Variants in PRKCZ observed in about 807,000 individuals in gnomAD.
The protein encoded by PRKCZ is protein kinase C zeta.
Under a neutral mutation model 79.5 loss-of-function variants are expected in PRKCZ, and 33 were observed. That is an observed-to-expected ratio of 0.41 (90% confidence interval 0.31 to 0.55). The LOEUF (loss-of-function observed/expected upper bound fraction) is 0.55. Among genes scored for constraint, PRKCZ ranks in the 20% least tolerant of loss-of-function variants. The pLI is 0.19. For missense variants in PRKCZ, 578 were observed against 813.5 expected (o/e 0.71, Z 3.52); for synonymous variants, 342 against 320.9 (o/e 1.07, Z -0.70).
intron 4 of PRKCZ, among the ~76,000 whole-genome samples, chr1:2,088,946 G>A (rs114907913): frequency 1.3e-5 from 2 of 152,316 alleles, no homozygotes; most frequent in Non-Finnish European, 2.9e-5. Context: ...GTTTTATTTT[G>A]TTTTGTTTTC....
At chr1:2,116,919 A>G (rs757390677) in intron 4 of PRKCZ, among the ~76,000 whole-genome samples, 2 of 152,076 alleles carry the variant, frequency 1.3e-5, no homozygotes, top group Non-Finnish European at 2.9e-5. Flanking sequence ...ATCCGTGAAC[A>G]TATCTTTAGG....
chr1:2,176,013 G>C (rs534544795), intron 16 of PRKCZ, among the ~76,000 whole-genome samples: 1 of 152,206 alleles, frequency 6.6e-6, no homozygotes, highest in Admixed American at 6.5e-5. Context: ...CAGTCGCAGC[G>C]TTCACGGCTT....
chr1:2,062,281 T>G (rs1660747076), intron 4 of PRKCZ, among the ~76,000 whole-genome samples: 2 of 152,046 alleles, frequency 1.3e-5, no homozygotes, highest in Non-Finnish European at 2.9e-5. Flanking sequence ...CAGCCCCACC[T>G]CCGCTCAGCC....
At chr1:2,181,947 CCCCT>C (rs1179891402) in intron 16 of PRKCZ, 1 of 438,218 alleles carries the variant, frequency 2.3e-6, no homozygotes, top group Non-Finnish European at 4.6e-6. Context: ...ACAGCCCCGG[CCCCT>C]CCCTCCGGCT....
At chr1:2,181,895 C>T in intron 16 of PRKCZ, 1 of 456,488 alleles carries the variant, frequency 2.2e-6, no homozygotes, top group Admixed American at 2.3e-5. Flanking sequence ...CCCCACAATC[C>T]TGCTGTGCGC....
chr1:2,054,750 C>T (rs1159476094), intron 1 of PRKCZ, among the ~76,000 whole-genome samples: 5 of 152,048 alleles, frequency 3.3e-5, no homozygotes, highest in Non-Finnish European at 7.4e-5. Flanking sequence ...GTGAAGCCGG[C>T]GGCCTGCACC....
intron 4 of PRKCZ, chr1:2,133,736 C>T (rs912063033): frequency 2.6e-5 from 4 of 152,666 alleles, no homozygotes; most frequent in Middle Eastern, 3.2e-3. Context: ...CCTCCGTCTC[C>T]GCCGCTTCAC....
At chr1:2,091,398 T>G (rs1416550703) in intron 4 of PRKCZ, among the ~76,000 whole-genome samples, 1 of 152,246 alleles carries the variant, frequency 6.6e-6, no homozygotes, top group Non-Finnish European at 1.5e-5. Context: ...TAACCATTTC[T>G]AAGTGTGTAG....
At chr1:2,152,259 G>A (rs1319875223) in intron 9 of PRKCZ, among the ~76,000 whole-genome samples, 3 of 152,142 alleles carry the variant, frequency 2.0e-5, no homozygotes, top group South Asian at 2.1e-4. Flanking sequence ...AGGGCCGGGC[G>A]CGGTGGCTCA....
chr1:2,052,071 G>C (rs1659719889), intron 1 of PRKCZ, among the ~76,000 whole-genome samples: 1 of 152,180 alleles, frequency 6.6e-6, no homozygotes, highest in African/African-American at 2.4e-5. Flanking sequence ...GACTTGTCCA[G>C]GGACCTGGGC....
intron 5 of PRKCZ, among the ~76,000 whole-genome samples, chr1:2,137,189 G>T (rs1676385118): frequency 6.6e-6 from 1 of 152,120 alleles, no homozygotes; most frequent in Admixed American, 6.5e-5. Flanking sequence ...GATGTCCCAG[G>T]GTAGGACGAG....
intron 4 of PRKCZ, chr1:2,134,012 G>A (rs1675625348): frequency 6.6e-6 from 1 of 152,322 alleles, no homozygotes; most frequent in African/African-American, 2.4e-5. Context: ...TGGGTGGAGT[G>A]TGGAGGGGGC....
chr1:2,102,881 G>A lies in PRKCZ; in HGVS notation c.335-32381G>A, dbSNP rs112535133. 9.0e-3 allele frequency among the ~76,000 whole-genome samples: 1,367 copies of A among 151,652 alleles called. 22 individuals are homozygous for A. The highest frequency in any genetic ancestry group is 0.029 in the African/African-American group (1,212 of 41,306). On this transcript the variant is annotated intron_variant, in intron 4 of 17. Coordinates refer to ENST00000378567, the MANE Select transcript of PRKCZ (RefSeq NM_002744.6). ...TTTTTATATTCTGGCCCCTCCCCCC[G>A]TCTGTCTCTCTCTCAAGAGACAGGG...
At position 2,173,856 on chromosome 1, in the gene PRKCZ, C is replaced by T. The variant is rs755245540; in HGVS notation, c.1286-41C>T. 6.5e-7 allele frequency: 1 copy of T among 1,541,526 alleles called. No individual in the cohort carries two copies. The highest frequency in any genetic ancestry group is 8.8e-7 in the Non-Finnish European group (1 of 1,139,844). ...AGCCAGGTTCGTCCTGCTGCCGGCC[C>T]ATGTGGCCCCACTCGGTGATGGCTG... On this transcript the variant is annotated intron_variant, in intron 13 of 17. Coordinates refer to ENST00000378567, the MANE Select transcript of PRKCZ (RefSeq NM_002744.6). The surrounding 1 kb of genome is among the most constrained non-coding windows in gnomAD (Gnocchi z 5.7).
intron 5 of PRKCZ, chr1:2,143,336 C>T (rs1179863852): frequency 6.6e-6 from 1 of 152,236 alleles, no homozygotes; most frequent in African/African-American, 2.4e-5. Context: ...GCCTATATTT[C>T]CTCGTCTTAA....
At chr1:2,155,781 CAG>C (rs1680914195) in intron 9 of PRKCZ, among the ~76,000 whole-genome samples, 1 of 150,394 alleles carries the variant, frequency 6.6e-6, no homozygotes, top group African/African-American at 2.5e-5. Context: ...GTGATGATGA[CAG>C]TGACAATGAT....
chr1:2,135,160 C>T (rs1010741389), intron 4 of PRKCZ, 102 bp from the exon 5 acceptor site: 20 of 992,112 alleles, frequency 2.0e-5, no homozygotes, highest in African/African-American at 1.3e-4. Context: ...GAGGACGCTG[C>T]GGCCGCCACC....
intron 4 of PRKCZ, among the ~76,000 whole-genome samples, chr1:2,088,106 G>A (rs1321225592): frequency 6.6e-6 from 1 of 152,196 alleles, no homozygotes; most frequent in East Asian, 1.9e-4. Context: ...CCTGAGTTGG[G>A]GTTTTGGTTT....
intron 11 of PRKCZ, among the ~76,000 whole-genome samples, chr1:2,170,642 C>T (rs1684244760): frequency 6.6e-6 from 1 of 152,246 alleles, no homozygotes; most frequent in African/African-American, 2.4e-5. Flanking sequence ...ACACTCCCTC[C>T]CTGTCCCCCG....
Sources: gnomAD v4.1 joint callset for allele counts (sites outside exome capture counted in the v4.1 genomes callset) on GRCh38, gnomAD v4.1.1 for gene constraint, Gnocchi (gnomAD v3.1) non-coding constraint, MANE v1.5 for transcripts, NCBI Gene and HGNC (gene_info 2026-07-23, HGNC 2026-07-21) for gene names.